Variants in CFAP61 observed in about 807,000 individuals in gnomAD.
The protein encoded by CFAP61 is cilia and flagella associated protein 61.
A neutral mutation model predicts 135.6 loss-of-function variants in CFAP61; 107 were observed. The observed-to-expected ratio is 0.79, with a 90% CI of 0.67 to 0.93. The LOEUF is 0.93. Ranked by LOEUF, CFAP61 falls within the 40% of genes least tolerant of loss-of-function variation. The probability of loss-of-function intolerance (pLI) is 0.00; values close to 1 mark genes in which losing one functional copy is unlikely to be tolerated. For missense variants in CFAP61, 1,507 were observed against 1,556.2 expected, an observed-to-expected ratio of 0.97 and a Z score of 0.53; for synonymous variants, 575 against 578.5, an observed-to-expected ratio of 0.99 and a Z score of 0.09.
At chr20:20,185,303 C>A (rs2055418580) in intron 13 of CFAP61, among the ~76,000 whole-genome samples, 1 of 152,146 alleles carries the variant, frequency 6.6e-6, no homozygotes, top group Non-Finnish European at 1.5e-5. Flanking sequence ...ATTGCTCTGG[C>A]AAATTGGTGG....
intron 13 of CFAP61, among the ~76,000 whole-genome samples, chr20:20,185,547 G>A (rs1384391244): frequency 1.3e-5 from 2 of 152,246 alleles, no homozygotes; most frequent in African/African-American, 2.4e-5. Flanking sequence ...GGATGGAGTT[G>A]CCATTACCTA....
intron 25 of CFAP61, among the ~76,000 whole-genome samples, chr20:20,307,163 C>T (rs1210451551): frequency 1.3e-5 from 2 of 152,198 alleles, no homozygotes; most frequent in Non-Finnish European, 1.5e-5. Flanking sequence ...TAGTTTGAAA[C>T]TCCTACAGTC....
At chr20:20,316,103 G>A (rs957239274) in intron 25 of CFAP61, among the ~76,000 whole-genome samples, 3 of 151,674 alleles carry the variant, frequency 2.0e-5, no homozygotes, top group Non-Finnish European at 4.4e-5. Context: ...GATGGGGATG[G>A]CATTGAATCT....
chr20:20,319,794 A>G (rs974765190), intron 25 of CFAP61, among the ~76,000 whole-genome samples: 1 of 152,218 alleles, frequency 6.6e-6, no homozygotes, highest in East Asian at 1.9e-4. Flanking sequence ...ATGAAGGAGA[A>G]ATAGTATGAC....
At chr20:20,290,078 A>G (rs991564306) in intron 23 of CFAP61, among the ~76,000 whole-genome samples, 2 of 152,192 alleles carry the variant, frequency 1.3e-5, no homozygotes, top group Admixed American at 6.5e-5. Context: ...TCCTGGAGCA[A>G]TGGCGGCTAC....
chr20:20,082,070 A>G (rs970218894), intron 6 of CFAP61, among the ~76,000 whole-genome samples: 7 of 152,098 alleles, frequency 4.6e-5, no homozygotes, highest in Non-Finnish European at 1.5e-5. Flanking sequence ...TGTGTGGACT[A>G]CCTCCCTCCT....
At chr20:20,059,386 G>A (rs1035893557) in intron 2 of CFAP61, among the ~76,000 whole-genome samples, 1 of 147,992 alleles carries the variant, frequency 6.8e-6, no homozygotes, top group African/African-American at 2.5e-5. Flanking sequence ...GGATGCTGAG[G>A]TGGGCAGATC....
intron 9 of CFAP61, among the ~76,000 whole-genome samples, chr20:20,158,339 G>T (rs1243938546): frequency 8.3e-6 from 1 of 120,054 alleles, no homozygotes; most frequent in African/African-American, 3.3e-5. Flanking sequence ...ATTACACCAA[G>T]TGGACCTTTG....
chr20:20,155,580 CAAAT>C (rs2146787054), intron 9 of CFAP61, among the ~76,000 whole-genome samples: 1 of 152,094 alleles, frequency 6.6e-6, no homozygotes, highest in East Asian at 1.9e-4. Flanking sequence ...AAGAAAGAAA[CAAAT>C]AATCCCATCA....
intron 26 of CFAP61, among the ~76,000 whole-genome samples, chr20:20,358,165 G>C (rs1453755390): frequency 7.2e-6 from 1 of 138,118 alleles, no homozygotes; most frequent in Non-Finnish European, 1.6e-5. Flanking sequence ...GAGGGGAGGT[G>C]GTCACACTGA....
chr20:20,153,000 A>C (rs2052583008), intron 9 of CFAP61, among the ~76,000 whole-genome samples: 1 of 152,314 alleles, frequency 6.6e-6, no homozygotes, highest in Non-Finnish European at 1.5e-5. Flanking sequence ...AAACTTAAGA[A>C]AATTGAAATT....
rs149705215 is a variant in CFAP61, at chr20:20,240,242, G to A, written c.2061-5875G>A. ...TAAATGTGCAAGAGGAAGTCCTGGTGGTGGATAACATCACCCAGGGAAATA... is the reference window on the plus strand; with the variant it reads ...TAAATGTGCAAGAGGAAGTCCTGGTAGTGGATAACATCACCCAGGGAAATA... On this transcript the variant is annotated intron_variant, in intron 18 of 26. Transcript: ENST00000245957. Among the ~76,000 whole-genome samples, 18 of 152,312 alleles carry A rather than the reference G, an allele frequency of 1.2e-4. No individual in the cohort carries two copies. The East Asian group carries it at 1.5e-3, about 13-fold the overall frequency.
chr20:20,355,122 C>T (rs1283663103), intron 26 of CFAP61, among the ~76,000 whole-genome samples: 1 of 82,556 alleles, frequency 1.2e-5, no homozygotes, highest in Non-Finnish European at 2.5e-5. Flanking sequence ...GGTGGTCACA[C>T]TGTGAGGGGA....
chr20:20,270,159 T>C (rs898638446), intron 21 of CFAP61, among the ~76,000 whole-genome samples: 24 of 152,192 alleles, frequency 1.6e-4, no homozygotes, highest in African/African-American at 5.1e-4. Context: ...CTTAAAAATA[T>C]AATAACTATG....
chr20:20,182,108 T>G (rs2055145231), intron 13 of CFAP61, among the ~76,000 whole-genome samples: 1 of 152,208 alleles, frequency 6.6e-6, no homozygotes, highest in Non-Finnish European at 1.5e-5. Flanking sequence ...TTAAAGTTCA[T>G]TCCACAGAAG....
chr20:20,360,259 A>T lies in CFAP61; in HGVS notation c.3563A>T (p.Glu1188Val). ...IEQLAHQIED[E>V]EINPTEKPRQ... The stretch of plus-strand genomic sequence containing the variant: ...CAGTTAGCCCATCAAATAGAAGATG[A>T]GGAAATCAACCCGACTGAGAAGCCC... The change falls in exon 27 of 27, where the codon GAG becomes GTG. Residue 1188 changes from glutamate to valine, a missense_variant. Coordinates refer to ENST00000245957, the MANE Select transcript of CFAP61 (RefSeq NM_015585.4). The T allele has an allele frequency of 1.9e-6, 3 of 1,613,990 alleles. No individual in the cohort carries two copies. Among genetic ancestry groups the T allele is most frequent in the Non-Finnish European group, 2.5e-6 (3 of 1,179,996 alleles).
intron 14 of CFAP61, among the ~76,000 whole-genome samples, chr20:20,188,497 C>G (rs1411192612): frequency 2.0e-5 from 3 of 151,988 alleles, no homozygotes; most frequent in Non-Finnish European, 2.9e-5. Context: ...TGAGTCTGAC[C>G]AGACCCTTTT....
chr20:20,253,751 T>A, intron 20 of CFAP61: 1 of 271,038 alleles, frequency 3.7e-6, no homozygotes, highest in Non-Finnish European at 7.4e-6. Flanking sequence ...CCTGACGGCC[T>A]GAGCAGTTTC....
intron 8 of CFAP61, among the ~76,000 whole-genome samples, chr20:20,113,098 T>C (rs1309289534): frequency 6.6e-6 from 1 of 152,206 alleles, no homozygotes; most frequent in Non-Finnish European, 1.5e-5. Context: ...ATCAGTTTCA[T>C]AGATGTCCAT....
Sources: allele counts gnomAD v4.1 joint callset (sites outside exome capture counted in the v4.1 genomes callset), GRCh38; gene constraint gnomAD v4.1.1; transcripts MANE v1.5; gene names NCBI Gene and HGNC (gene_info 2026-07-23, HGNC 2026-07-21).